The following LPP variants were observed in gnomAD, a reference collection of about 807,000 sequenced individuals.
LPP encodes the protein lipoma-preferred partner.
LPP carries 38 observed loss-of-function variants against 60.4 expected under a neutral mutation model. The ratio of observed to expected loss-of-function variants is 0.63; its 90% CI spans 0.49 to 0.83. The LOEUF (loss-of-function observed/expected upper bound fraction) is 0.83. Ranked by LOEUF, LPP falls within the 40% of genes least tolerant of loss-of-function variation. The probability of loss-of-function intolerance (pLI) is 0.00; values close to 1 mark genes in which losing one functional copy is unlikely to be tolerated. For missense variants in LPP, 902 were observed against 783.6 expected, an observed-to-expected ratio of 1.15 and a Z score of -1.80; for synonymous variants, 328 against 290.8, an observed-to-expected ratio of 1.13 and a Z score of -1.30.
intron 1 of LPP, chr3:188,179,349 A>C (rs1724202221): frequency 6.6e-6 from 3 of 457,874 alleles, no homozygotes; most frequent in African/African-American, 6.0e-5. Context: ...GCCTCCTCCT[A>C]GGCCCCCGCC....
At chr3:188,287,171 G>A (rs1283978546) in intron 2 of LPP, among the ~76,000 whole-genome samples, 1 of 152,248 alleles carries the variant, frequency 6.6e-6, no homozygotes, top group Admixed American at 6.5e-5. Context: ...GAAGTGCTGG[G>A]ATTACAGGCG....
At chr3:188,629,588 A>C (rs1300123733) in intron 7 of LPP, among the ~76,000 whole-genome samples, 2 of 152,170 alleles carry the variant, frequency 1.3e-5, no homozygotes, top group Non-Finnish European at 2.9e-5. Context: ...AATATATGGA[A>C]AATCATTTCA....
At chr3:188,546,364 G>C (rs1010476807) in intron 6 of LPP, among the ~76,000 whole-genome samples, 8 of 152,106 alleles carry the variant, frequency 5.3e-5, no homozygotes, top group Non-Finnish European at 1.0e-4. Flanking sequence ...ATCTCAGTTA[G>C]AGAAAGTGGG....
chr3:188,191,716 C>G (rs545333824), intron 1 of LPP, among the ~76,000 whole-genome samples: 2 of 152,152 alleles, frequency 1.3e-5, no homozygotes, highest in African/African-American at 4.8e-5. Flanking sequence ...TCAACTCAGC[C>G]GTTGCTACGA....
Position 188,291,480 on chromosome 3 carries a change from A to T in LPP, c.-66-50183A>T, listed in dbSNP as rs561085337. Among the ~76,000 whole-genome samples the T allele has an allele frequency of 2.6e-5, 4 of 151,776 alleles. No homozygotes were observed. In the South Asian group the frequency reaches 8.3e-4, roughly 32 times the overall value. On this transcript the variant is annotated intron_variant, in intron 2 of 11. Coordinates refer to ENST00000617246, the MANE Select transcript of LPP (RefSeq NM_001375462.1). ...CGGTGAAACCCCATCTCTACTAAAA[A>T]TAGAAAGAAAAAAAAATTAGCCGGG... is the stretch of plus-strand genomic sequence containing the variant.
chr3:188,265,444 G>A (rs1735155400), intron 2 of LPP, among the ~76,000 whole-genome samples: 1 of 152,172 alleles, frequency 6.6e-6, no homozygotes, highest in Non-Finnish European at 1.5e-5. Context: ...GGGAAGGGAG[G>A]AAGGGTGATG....
In LPP at chr3:188,463,306, C is replaced by G. The variant is rs142869817; in HGVS notation, c.194-21286C>G. Among the ~76,000 whole-genome samples the G allele has an allele frequency of 1.3e-3, 191 of 151,802 alleles. 1 individual carries two copies. Among genetic ancestry groups the G allele is most frequent in the African/African-American group, 4.4e-3 (184 of 41,356 alleles). Reference sequence around the variant, plus strand: ...TTGGGTGCAAGTGATCTTCCTGTCTCAACCTCCAGAGTAACTAGGACTATA... The same window carrying G: ...TTGGGTGCAAGTGATCTTCCTGTCTGAACCTCCAGAGTAACTAGGACTATA... On this transcript the variant is annotated intron_variant, in intron 4 of 11. Coordinates refer to ENST00000617246, the MANE Select transcript of LPP (RefSeq NM_001375462.1).
Position 188,483,131 on chromosome 3 carries a change from C to T in LPP, c.194-1461C>T, listed in dbSNP as rs915884525. ...GTGCGAGTCTAGTAAGCGGAGTACT[C>T]GAGAGATAGTGCTTTTGATTGCTTA... On this transcript the variant is annotated intron_variant, in intron 4 of 11. Coordinates refer to ENST00000617246, the MANE Select transcript of LPP (RefSeq NM_001375462.1). 2.6e-5 allele frequency among the ~76,000 whole-genome samples: 4 copies of T among 152,122 alleles called. No homozygotes were observed. In the South Asian group the frequency reaches 6.2e-4, roughly 24 times the overall value.
chr3:188,385,645 A>G (rs968750412), intron 3 of LPP, among the ~76,000 whole-genome samples: 3 of 152,210 alleles, frequency 2.0e-5, no homozygotes, highest in East Asian at 1.9e-4. Context: ...CAAAGAAGCA[A>G]GTGTTTAATC....
At chr3:188,371,895 T>C (rs988434223) in intron 3 of LPP, among the ~76,000 whole-genome samples, 3 of 151,296 alleles carry the variant, frequency 2.0e-5, no homozygotes, top group Non-Finnish European at 2.9e-5. Context: ...TGACCTCAAG[T>C]GATCCGCCCG....
chr3:188,406,275 A>G lies in LPP; in HGVS notation c.155A>G (p.Lys52Arg). 1.2e-6 allele frequency: 2 copies of G among 1,614,104 alleles called. No individual in the cohort carries two copies. The highest frequency in any genetic ancestry group is 1.7e-6 in the Non-Finnish European group (2 of 1,179,986). The change falls in exon 4 of 12, where the codon AAA becomes AGA. Residue 52 changes from lysine to arginine, a missense_variant. Lys to Arg is a conservative substitution (Grantham distance 26). Coordinates refer to ENST00000617246, the MANE Select transcript of LPP (RefSeq NM_001375462.1). Reference sequence around the variant, plus strand: ...AAGTTTGCCCCGGTAGTTGCTCCAAAACCTAAGTACAACCCATACAAACAA... The same window carrying G: ...AAGTTTGCCCCGGTAGTTGCTCCAAGACCTAAGTACAACCCATACAAACAA... Reference protein sequence around the residue: ...PKKFAPVVAPKPKYNPYKQPG... With the variant: ...PKKFAPVVAPRPKYNPYKQPG...
At chr3:188,338,514 T>C (rs1011973572) in intron 2 of LPP, among the ~76,000 whole-genome samples, 5 of 152,086 alleles carry the variant, frequency 3.3e-5, no homozygotes, top group African/African-American at 1.2e-4. Flanking sequence ...TTCGCAGTGG[T>C]TTTGGGATAA....
intron 8 of LPP, among the ~76,000 whole-genome samples, chr3:188,754,160 A>G (rs1729362322): frequency 6.6e-6 from 1 of 152,312 alleles, no homozygotes; most frequent in African/African-American, 2.4e-5. Flanking sequence ...GAAGAGCCAT[A>G]TGATAAATTC....
At chr3:188,733,289 A>ATG (rs770786452) in intron 8 of LPP, among the ~76,000 whole-genome samples, 1,478 of 88,648 alleles carry the variant, frequency 0.017, 14 homozygotes, top group Non-Finnish European at 0.026. Flanking sequence ...TTCACCAAAA[A>ATG]CGTGTGTGTG....
chr3:188,830,324 G>T (rs62289865), intron 9 of LPP, among the ~76,000 whole-genome samples: 2 of 147,042 alleles, frequency 1.4e-5, no homozygotes, highest in African/African-American at 5.0e-5. Context: ...AAAAAAAAAG[G>T]CTCAACCAGG....
At chr3:188,607,416 T>A (rs1272294969) in intron 6 of LPP, among the ~76,000 whole-genome samples, 10 of 48,794 alleles carry the variant, frequency 2.0e-4, no homozygotes, top group South Asian at 5.1e-4. Flanking sequence ...TATATATATA[T>A]AATTTTTTTT....
chr3:188,689,576 C>G (rs1861636600), intron 7 of LPP, among the ~76,000 whole-genome samples: 1 of 152,116 alleles, frequency 6.6e-6, no homozygotes, highest in Non-Finnish European at 1.5e-5. Context: ...CTTTCTGTGC[C>G]TGGCTTATTT....
chr3:188,483,490 A>G (rs144688309), intron 4 of LPP, among the ~76,000 whole-genome samples: 5 of 152,374 alleles, frequency 3.3e-5, no homozygotes, highest in Admixed American at 2.6e-4. Context: ...TCTCCAACAC[A>G]TCAAAAACAT....
chr3:188,725,413 C>T (rs1474432083), intron 8 of LPP: 2 of 152,220 alleles, frequency 1.3e-5, no homozygotes, highest in African/African-American at 4.8e-5. Flanking sequence ...TTGGAGATCA[C>T]CTATGAAGAC....
Sources: allele counts gnomAD v4.1 joint callset (sites outside exome capture counted in the v4.1 genomes callset), GRCh38; gene constraint gnomAD v4.1.1; transcripts MANE v1.5; gene names NCBI Gene and HGNC (gene_info 2026-07-23, HGNC 2026-07-21).